The following CATSPERD variants were observed in gnomAD, a reference collection of about 807,000 sequenced individuals.
CATSPERD encodes the protein catsper channel auxiliary subunit delta.
A neutral mutation model predicts 98.1 loss-of-function variants in CATSPERD; 86 were observed. The ratio of observed to expected loss-of-function variants is 0.88; its 90% CI spans 0.74 to 1.05. CATSPERD has a LOEUF of 1.05. Ranked by LOEUF, CATSPERD falls within the 50% of genes least tolerant of loss-of-function variation. The pLI, the probability that CATSPERD is intolerant of heterozygous loss-of-function variation, is 0.00. For synonymous variants in CATSPERD, 394 were observed against 390.2 expected (o/e 1.01, Z -0.12); for missense variants, 995 against 1,005.7 (o/e 0.99, Z 0.14).
intron 2 of CATSPERD, among the ~76,000 whole-genome samples, chr19:5,726,873 C>G (rs923229838): frequency 6.6e-6 from 1 of 152,024 alleles, no homozygotes; most frequent in Non-Finnish European, 1.5e-5. Context: ...CAGATTTCAC[C>G]CTTTATGTTG....
chr19:5,735,550 G>A (rs34254251), intron 5 of CATSPERD, among the ~76,000 whole-genome samples: 15,892 of 149,228 alleles, frequency 0.11, 870 homozygotes, highest in South Asian at 0.22. Context: ...TCGGCTCACT[G>A]CAACCTCCAC....
intron 16 of CATSPERD, among the ~76,000 whole-genome samples, chr19:5,764,852 C>T (rs1201523662): frequency 6.6e-6 from 1 of 151,056 alleles, no homozygotes; most frequent in Admixed American, 6.6e-5. Context: ...TGACCTCAGG[C>T]AATTTGCCCG....
intron 2 of CATSPERD, among the ~76,000 whole-genome samples, chr19:5,725,621 G>T (rs2055589285): frequency 6.6e-6 from 1 of 152,030 alleles, no homozygotes; most frequent in Non-Finnish European, 1.5e-5. Flanking sequence ...CATAATTTTG[G>T]CCAGGTGAGG....
chr19:5,774,780 G>T (rs1165471538), intron 20 of CATSPERD, among the ~76,000 whole-genome samples: 1 of 152,160 alleles, frequency 6.6e-6, no homozygotes, highest in Non-Finnish European at 1.5e-5. Context: ...ACTTTGGGAG[G>T]CCGAGGTGGA....
chr19:5,750,264 C>A (rs185018548), intron 11 of CATSPERD, among the ~76,000 whole-genome samples: 2 of 147,634 alleles, frequency 1.4e-5, no homozygotes, highest in Admixed American at 6.8e-5. Context: ...CTGGCTAACA[C>A]GGTGAAACCC....
chr19:5,776,468 G>A (rs1264996482), intron 21 of CATSPERD, among the ~76,000 whole-genome samples, 153 bp downstream of exon 21: 1 of 152,184 alleles, frequency 6.6e-6, no homozygotes, highest in Non-Finnish European at 1.5e-5. Context: ...AGTTCTGGGT[G>A]ACATTTGTTC....
intron 13 of CATSPERD, among the ~76,000 whole-genome samples, chr19:5,756,363 C>A (rs955307576): frequency 6.6e-6 from 1 of 151,880 alleles, no homozygotes; most frequent in African/African-American, 2.4e-5. Context: ...GACAGAGTTT[C>A]CATTTGGGAC....
At chr19:5,736,580 G>A (rs1405149627) in intron 5 of CATSPERD, among the ~76,000 whole-genome samples, 1 of 152,032 alleles carries the variant, frequency 6.6e-6, no homozygotes, top group South Asian at 2.1e-4. Flanking sequence ...AGCCAGGCAT[G>A]GTGGTGGGCA....
At chr19:5,768,978 AC>A (rs1196748198) in intron 18 of CATSPERD, among the ~76,000 whole-genome samples, 1 of 151,746 alleles carries the variant, frequency 6.6e-6, no homozygotes, top group Non-Finnish European at 1.5e-5. Context: ...ACATGGCAAA[AC>A]CCCATCTCTA....
chr19:5,734,489 T>C (rs988188376), intron 5 of CATSPERD, among the ~76,000 whole-genome samples: 1 of 152,026 alleles, frequency 6.6e-6, no homozygotes, highest in Non-Finnish European at 1.5e-5. Context: ...AAATACAAAA[T>C]TAGCTGGGCG....
chr19:5,726,666 G>A (rs1393270300), intron 2 of CATSPERD, among the ~76,000 whole-genome samples: 10 of 152,038 alleles, frequency 6.6e-5, no homozygotes, highest in Admixed American at 6.6e-4. Context: ...ACAGACGTGA[G>A]CCACCGCACC....
At position 5,724,315 on chromosome 19, in the gene CATSPERD, G is replaced by A. The variant is rs531753646; in HGVS notation, c.72-493G>A. Among the ~76,000 whole-genome samples the A allele has an allele frequency of 6.6e-5, 10 of 151,862 alleles. No individual in the cohort carries two copies. In the South Asian group the frequency reaches 1.9e-3, roughly 29 times the overall value. ...TGACCTCAAGTGATCCACCTGCCTCGGCCTCCCAAAGTGCTGGGATTAAAG... is the reference window on the plus strand; with the variant it reads ...TGACCTCAAGTGATCCACCTGCCTCAGCCTCCCAAAGTGCTGGGATTAAAG... On this transcript the variant is annotated intron_variant, in intron 1 of 21. Coordinates refer to ENST00000381624, the MANE Select transcript of CATSPERD (RefSeq NM_152784.4).
Position 5,748,197 on chromosome 19 carries a change from C to T in CATSPERD, c.846C>T (p.Asp282=). The T allele has an allele frequency of 6.2e-6, 10 of 1,613,948 alleles. No individual in the cohort carries two copies. Among genetic ancestry groups the T allele is most frequent in the Non-Finnish European group, 8.5e-6 (10 of 1,179,962 alleles). Residue 282 remains aspartate, a synonymous_variant, in exon 10 of 22, where the codon GAC becomes GAT. Transcript: ENST00000381624. The stretch of plus-strand genomic sequence containing the variant: ...ACACCGTCCGGGTGAAAAAAGGAGA[C>T]CAGACCTTGTTTTCTTCCATTTTTG... ...LVDTVRVKKG[D]QTLFSSIFEA...
At chr19:5,775,258 G>A (rs773625235) in intron 20 of CATSPERD, 5 of 471,360 alleles carry the variant, frequency 1.1e-5, no homozygotes, top group South Asian at 7.7e-5. Context: ...TTAAAGAAGA[G>A]GCATGGGGAA....
intron 12 of CATSPERD, chr19:5,753,561 CAA>C (rs374878871): frequency 0.011 from 3,364 of 314,188 alleles, no homozygotes; most frequent in South Asian, 0.015. Context: ...GACTCTGTCT[CAA>C]AAAAAAAAAA....
At position 5,739,140 on chromosome 19, in the gene CATSPERD, C is replaced by T. The variant is rs541451529; in HGVS notation, c.460-186C>T. Among the ~76,000 whole-genome samples, 73 of 152,296 alleles carry T rather than the reference C, an allele frequency of 4.8e-4. 1 individual carries two copies. The highest frequency in any genetic ancestry group is 1.7e-3 in the Admixed American group (26 of 15,270). ...TCGGCCTCCCAGAGTGCTGGGATTA[C>T]AGGCGTGAGCCACCGCACCTGGCGT... is the stretch of plus-strand genomic sequence containing the variant. On this transcript the variant is annotated intron_variant, in intron 6 of 21. Transcript: ENST00000381624.
chr19:5,723,607 G>A (rs1323289706), intron 1 of CATSPERD, among the ~76,000 whole-genome samples: 1 of 151,646 alleles, frequency 6.6e-6, no homozygotes, highest in Non-Finnish European at 1.5e-5. Flanking sequence ...TGGGACTACA[G>A]GTGCCGCAAC....
intron 7 of CATSPERD, among the ~76,000 whole-genome samples, chr19:5,740,640 G>A (rs1055511697): frequency 1.3e-5 from 2 of 150,916 alleles, no homozygotes; most frequent in Admixed American, 6.6e-5. Context: ...ATTGGCGGAC[G>A]CCTGTAATCC....
intron 20 of CATSPERD, among the ~76,000 whole-genome samples, chr19:5,775,742 ATAT>A (rs928541205): frequency 3.3e-5 from 5 of 151,942 alleles, no homozygotes; most frequent in African/African-American, 1.2e-4. Flanking sequence ...TTACAGGTTC[ATAT>A]TATTACTAAT....
Sources: allele counts gnomAD v4.1 joint callset (sites outside exome capture counted in the v4.1 genomes callset), GRCh38; gene constraint gnomAD v4.1.1; transcripts MANE v1.5; gene names NCBI Gene and HGNC (gene_info 2026-07-23, HGNC 2026-07-21).